Variants in ESRRG observed in about 807,000 individuals in gnomAD.
The protein encoded by ESRRG is estrogen-related receptor gamma.
A neutral mutation model predicts 44.0 loss-of-function variants in ESRRG; 13 were observed. That is an observed-to-expected ratio of 0.30 (90% CI 0.19 to 0.47). The LOEUF (loss-of-function observed/expected upper bound fraction) is 0.47. ESRRG is among the 20% of genes least tolerant of loss of function. ESRRG has a pLI of 1.00. For missense variants in ESRRG, 395 were observed against 580.6 expected (o/e 0.68, Z 3.29); for synonymous variants, 215 against 214.6 (o/e 1.00, Z -0.02).
intron 3 of ESRRG, among the ~76,000 whole-genome samples, chr1:216,613,313 T>C (rs2060931494): frequency 1.3e-5 from 2 of 152,204 alleles, no homozygotes; most frequent in Admixed American, 1.3e-4. Flanking sequence ...ATATTTCTAT[T>C]AATTTTATGA....
At chr1:216,937,247 A>G (rs995887877) in intron 2 of ESRRG, among the ~76,000 whole-genome samples, 14 of 78,578 alleles carry the variant, frequency 1.8e-4, no homozygotes, top group Non-Finnish European at 3.4e-4. Context: ...GGAAGAGCAG[A>G]AAAAAAAAAG....
At chr1:216,528,004 C>A (rs1558281788) in intron 5 of ESRRG, among the ~76,000 whole-genome samples, 2 of 152,132 alleles carry the variant, frequency 1.3e-5, no homozygotes, top group African/African-American at 4.8e-5. Context: ...TCAAACAGTG[C>A]CTGTCACATA....
intron 3 of ESRRG, among the ~76,000 whole-genome samples, chr1:216,624,108 C>A (rs1006532312): frequency 1.3e-5 from 2 of 152,238 alleles, no homozygotes; most frequent in Middle Eastern, 3.4e-3. Context: ...GCACAAAAAA[C>A]CCATGAGCAA....
intron 3 of ESRRG, among the ~76,000 whole-genome samples, chr1:216,602,600 A>T (rs533868748): frequency 3.2e-4 from 48 of 152,316 alleles, no homozygotes; most frequent in African/African-American, 1.1e-3. Context: ...TCTGAGTTAA[A>T]TGTTCCCAAG....
chr1:216,739,294 G>A (rs975774629), intron 2 of ESRRG, among the ~76,000 whole-genome samples: 1 of 149,680 alleles, frequency 6.7e-6, no homozygotes, highest in Non-Finnish European at 1.5e-5. Flanking sequence ...CCAGCTGTGG[G>A]AAACAGGCAG....
intron 2 of ESRRG, among the ~76,000 whole-genome samples, chr1:216,796,394 G>T (rs964991097): frequency 1.2e-4 from 18 of 152,120 alleles, no homozygotes; most frequent in Admixed American, 6.5e-5. Context: ...ATTTTGGGAT[G>T]CCCTCAATAG....
intron 2 of ESRRG, 137 bp from the exon 3 acceptor site, chr1:216,651,226 T>C (rs1461292179): frequency 1.5e-6 from 1 of 653,140 alleles, no homozygotes; most frequent in Non-Finnish European, 2.8e-6. Flanking sequence ...AGAAATGTCA[T>C]AAATATCATC....
intron 5 of ESRRG, among the ~76,000 whole-genome samples, chr1:216,550,424 C>T: frequency 6.6e-6 from 1 of 152,036 alleles, no homozygotes; most frequent in East Asian, 1.9e-4. Context: ...TGTAATCAAA[C>T]TAATAAGAGG....
chr1:216,974,566 T>A (rs562764458), intron 1 of ESRRG, among the ~76,000 whole-genome samples: 84 of 152,216 alleles, frequency 5.5e-4, no homozygotes, highest in African/African-American at 2.0e-3. Context: ...GGGTAAAAAA[T>A]AAAAAGGTTT....
At chr1:217,136,644 G>A (rs1399777037) in intron 1 of ESRRG, among the ~76,000 whole-genome samples, 1 of 152,170 alleles carries the variant, frequency 6.6e-6, no homozygotes, top group African/African-American at 2.4e-5. Context: ...GGATCTACTT[G>A]ACTGAGATTC....
intron 2 of ESRRG, among the ~76,000 whole-genome samples, chr1:216,780,002 G>T (rs983958648): frequency 6.6e-6 from 1 of 151,764 alleles, no homozygotes; most frequent in African/African-American, 2.4e-5. Flanking sequence ...AGTTTCTTCT[G>T]CCTTGTCTTC....
intron 2 of ESRRG, among the ~76,000 whole-genome samples, chr1:216,792,418 A>AG (rs1308701541): frequency 6.6e-6 from 1 of 152,132 alleles, no homozygotes; most frequent in Non-Finnish European, 1.5e-5. Context: ...AGGTTAAAGC[A>AG]GGGGAAGGCC....
At chr1:216,956,622 C>T (rs553865654) in intron 1 of ESRRG, among the ~76,000 whole-genome samples, 3 of 152,136 alleles carry the variant, frequency 2.0e-5, no homozygotes, top group South Asian at 4.1e-4. Context: ...TTTGTTTTAA[C>T]TTAAATTTGA....
intron 1 of ESRRG, among the ~76,000 whole-genome samples, chr1:216,708,215 A>G (rs2082826317): frequency 6.7e-6 from 1 of 149,466 alleles, no homozygotes; most frequent in Admixed American, 6.6e-5. Flanking sequence ...AAGCCATTTA[A>G]AAAAATAAAA....
At chr1:216,683,079 T>G (rs955645879) in intron 1 of ESRRG, among the ~76,000 whole-genome samples, 7 of 152,160 alleles carry the variant, frequency 4.6e-5, no homozygotes, top group African/African-American at 1.7e-4. Flanking sequence ...CAGGGTGTCA[T>G]TATGGCATCA....
intron 5 of ESRRG, 110 bp downstream of exon 5, chr1:216,564,109 G>A (rs560913808): frequency 1.8e-6 from 1 of 548,544 alleles, no homozygotes; most frequent in Non-Finnish European, 3.1e-6. Context: ...TAAATGTAAA[G>A]GGTTTTTTTA....
chr1:216,670,157 C>G (rs1451045363), intron 2 of ESRRG, among the ~76,000 whole-genome samples: 4 of 152,182 alleles, frequency 2.6e-5, no homozygotes, highest in Non-Finnish European at 5.9e-5. Flanking sequence ...AAGTTCATAT[C>G]ATGTACACTC....
intron 3 of ESRRG, 104 bp downstream of exon 3, chr1:216,650,869 C>G: frequency 1.3e-6 from 1 of 751,290 alleles, no homozygotes; most frequent in East Asian, 2.5e-5. Flanking sequence ...AGGGTACTTA[C>G]TGTTACCTCA....
At chr1:216,738,936 C>T (rs1171419848) in intron 2 of ESRRG, among the ~76,000 whole-genome samples, 1 of 152,172 alleles carries the variant, frequency 6.6e-6, no homozygotes, top group Non-Finnish European at 1.5e-5. Flanking sequence ...TCTGCAGCTT[C>T]AAACTTCTGG....
Sources: allele counts gnomAD v4.1 joint callset (sites outside exome capture counted in the v4.1 genomes callset), GRCh38; gene constraint gnomAD v4.1.1; transcripts MANE v1.5; gene names NCBI Gene and HGNC (gene_info 2026-07-23, HGNC 2026-07-21).